Variants in ADRA1B observed in about 807,000 individuals in gnomAD.
ADRA1B encodes the protein adrenoceptor alpha 1B.
ADRA1B carries 17 observed loss-of-function variants against 17.9 expected under a neutral mutation model. That is an observed-to-expected ratio of 0.95 (90% CI 0.65 to 1.42). The LOEUF (loss-of-function observed/expected upper bound fraction) is 1.42, where lower values mean the gene tolerates loss of function less well. ADRA1B is among the 40% of genes most tolerant of loss of function. The pLI is 0.00. For synonymous variants in ADRA1B, 366 were observed against 327.6 expected, an observed-to-expected ratio of 1.12 and a Z score of -1.27; for missense variants, 681 against 722.1, an observed-to-expected ratio of 0.94 and a Z score of 0.65.
intron 1 of ADRA1B, among the ~76,000 whole-genome samples, chr5:159,909,667 A>T (rs1754206290): frequency 1.3e-5 from 2 of 152,212 alleles, no homozygotes. Flanking sequence ...CTACGGGAGG[A>T]CAAGGAAGGC....
intron 1 of ADRA1B, among the ~76,000 whole-genome samples, chr5:159,919,878 C>T (rs1754429762): frequency 6.6e-6 from 1 of 152,210 alleles, no homozygotes; most frequent in African/African-American, 2.4e-5. Flanking sequence ...AAGAACACGG[C>T]TCTGGTGATC....
chr5:159,909,149 G>C (rs1228591575), intron 1 of ADRA1B, among the ~76,000 whole-genome samples: 1 of 152,066 alleles, frequency 6.6e-6, no homozygotes, highest in East Asian at 1.9e-4. Context: ...AATGAAGATG[G>C]GCAAAGGAAA....
chr5:159,975,519 G>A (rs1755958979), downstream of ADRA1B, among the ~76,000 whole-genome samples: 1 of 152,138 alleles, frequency 6.6e-6, no homozygotes, highest in Non-Finnish European at 1.5e-5. Context: ...GTTATAATTT[G>A]GACCTTGGAT....
chr5:159,945,748 G>GGT (rs397933217), intron 1 of ADRA1B, among the ~76,000 whole-genome samples: 151 of 112,462 alleles, frequency 1.3e-3, no homozygotes, highest in Non-Finnish European at 1.4e-3. Context: ...TTTTTTGTTT[G>GGT]TTTGTTTTTT....
At chr5:159,976,220 T>C (rs1044254705), downstream of ADRA1B, among the ~76,000 whole-genome samples, 1 of 152,240 alleles carries the variant, frequency 6.6e-6, no homozygotes, top group African/African-American at 2.4e-5. Flanking sequence ...GTAGTCATTC[T>C]TCAATTATTT....
chr5:159,922,497 A>G (rs1754514398), intron 1 of ADRA1B, among the ~76,000 whole-genome samples: 1 of 152,214 alleles, frequency 6.6e-6, no homozygotes, highest in Admixed American at 6.5e-5. Context: ...CCTGTCAAGA[A>G]CTAGTAATGA....
intron 1 of ADRA1B, chr5:159,870,469 C>CTT (rs1271018935): frequency 6.6e-6 from 1 of 152,194 alleles, no homozygotes; most frequent in African/African-American, 2.4e-5. Context: ...TCCATCCAAC[C>CTT]ATTCATTCAA....
intron 1 of ADRA1B, among the ~76,000 whole-genome samples, chr5:159,952,977 A>AG (rs1755474474): frequency 6.6e-6 from 1 of 152,182 alleles, no homozygotes; most frequent in Non-Finnish European, 1.5e-5. Context: ...GCAGTTACAC[A>AG]GGGGGGATGC....
intron 1 of ADRA1B, among the ~76,000 whole-genome samples, chr5:159,968,790 G>A (rs562975701): frequency 5.2e-4 from 79 of 152,074 alleles, no homozygotes; most frequent in African/African-American, 1.0e-3. Flanking sequence ...ATGTTGCCCC[G>A]GCTGGTCTCA....
At chr5:159,960,047 G>T (rs867554651) in intron 1 of ADRA1B, among the ~76,000 whole-genome samples, 1 of 152,140 alleles carries the variant, frequency 6.6e-6, no homozygotes, top group Non-Finnish European at 1.5e-5. Context: ...AACCCAAGGC[G>T]TTACACGAGG....
chr5:159,951,004 G>A, intron 1 of ADRA1B: 1 of 657,622 alleles, frequency 1.5e-6, no homozygotes. Flanking sequence ...TACCAAAGTT[G>A]TCATGGATGA....
intron 1 of ADRA1B, among the ~76,000 whole-genome samples, chr5:159,936,047 T>C (rs1369913442): frequency 6.6e-6 from 1 of 152,226 alleles, no homozygotes; most frequent in East Asian, 1.9e-4. Context: ...TGTTGGGTGT[T>C]GCAAAGATGA....
chr5:159,881,277 G>A (rs546569793), intron 1 of ADRA1B, among the ~76,000 whole-genome samples: 1 of 146,378 alleles, frequency 6.8e-6, no homozygotes, highest in Admixed American at 6.8e-5. Flanking sequence ...GGGTCTTGTG[G>A]AATGAGAACA....
intron 1 of ADRA1B, among the ~76,000 whole-genome samples, chr5:159,946,373 G>C (rs1408770170): frequency 1.3e-5 from 2 of 152,140 alleles, no homozygotes; most frequent in Admixed American, 1.3e-4. Context: ...ACAGAAAAGA[G>C]CACCAATCAG....
At chr5:159,881,298 G>T (rs60394081) in intron 1 of ADRA1B, among the ~76,000 whole-genome samples, 1,085 of 67,020 alleles carry the variant, frequency 0.016, 25 homozygotes, top group African/African-American at 0.057. Context: ...ATATCAGAAA[G>T]TTCTCTCTCT....
At chr5:159,871,911 G>T (rs538418176) in intron 1 of ADRA1B, among the ~76,000 whole-genome samples, 17 of 152,078 alleles carry the variant, frequency 1.1e-4, no homozygotes, top group Non-Finnish European at 1.6e-4. Context: ...CTCTCTGCAG[G>T]GTCTCCTCCT....
intron 1 of ADRA1B, among the ~76,000 whole-genome samples, chr5:159,883,322 C>T (rs1040120802): frequency 3.3e-5 from 5 of 152,128 alleles, no homozygotes; most frequent in Non-Finnish European, 7.4e-5. Context: ...ATTTTTTTAC[C>T]ATGTTCCCTC....
At chr5:159,881,180 CAAAAAAAAA>C (rs35928792) in intron 1 of ADRA1B, among the ~76,000 whole-genome samples, 11 of 56,822 alleles carry the variant, frequency 1.9e-4, no homozygotes, top group African/African-American at 2.8e-4. Flanking sequence ...GACTCCGTCT[CAAAAAAAAA>C]AAAAAAAAAA....
chr5:159,957,949 A>AG (rs1187481923), intron 1 of ADRA1B, among the ~76,000 whole-genome samples: 11 of 128,892 alleles, frequency 8.5e-5, no homozygotes, highest in African/African-American at 3.3e-4. Flanking sequence ...AAAAAAAAAA[A>AG]AAAGAAAAGA....
Sources: gnomAD v4.1 joint callset for allele counts (sites outside exome capture counted in the v4.1 genomes callset) on GRCh38, gnomAD v4.1.1 for gene constraint, MANE v1.5 for transcripts, NCBI Gene and HGNC (gene_info 2026-07-23, HGNC 2026-07-21) for gene names.